KALRN: variants seen among roughly 807,000 people sequenced by gnomAD.
KALRN encodes the protein kalirin.
Under a neutral mutation model 353.7 loss-of-function variants are expected in KALRN, and 70 were observed. The observed-to-expected ratio is 0.20, with a 90% CI of 0.16 to 0.24. The LOEUF is 0.24. KALRN is among the 10% of genes least tolerant of loss of function. KALRN has a pLI of 1.00. For missense variants in KALRN, 2,791 were observed against 3,756.7 expected (o/e 0.74, Z 6.72); for synonymous variants, 1,391 against 1,434.8 (o/e 0.97, Z 0.69).
At chr3:124,495,951 GTA>G (rs1430092711) in intron 32 of KALRN, among the ~76,000 whole-genome samples, 1,052 of 38,092 alleles carry the variant, frequency 0.028, 54 homozygotes, top group African/African-American at 0.11. Flanking sequence ...CCAAGTGTGT[GTA>G]TGTGTATGTA....
intron 1 of KALRN, among the ~76,000 whole-genome samples, chr3:124,081,581 G>A (rs527236983): frequency 1.8e-4 from 28 of 152,238 alleles, no homozygotes; most frequent in African/African-American, 5.3e-4. Context: ...GACCAGGCTG[G>A]GCAACATAGG....
chr3:124,705,437 C>T (rs774444624), intron 57 of KALRN, among the ~76,000 whole-genome samples: 2 of 152,054 alleles, frequency 1.3e-5, no homozygotes, highest in South Asian at 2.1e-4. Flanking sequence ...GATAAATGAC[C>T]TTCAAGACCT....
intron 10 of KALRN, among the ~76,000 whole-genome samples, chr3:124,352,904 A>G (rs1039259250): frequency 2.0e-5 from 3 of 152,314 alleles, no homozygotes; most frequent in Admixed American, 6.5e-5. Context: ...TAGGAGAAAT[A>G]CCTAATATAA....
chr3:124,620,257 C>T (rs1273343030), intron 34 of KALRN, among the ~76,000 whole-genome samples: 1 of 152,142 alleles, frequency 6.6e-6, no homozygotes, highest in African/African-American at 2.4e-5. Flanking sequence ...CGCACCACCA[C>T]ACCAGGCTAA....
chr3:124,197,438 G>T (rs2075555262), intron 1 of KALRN, among the ~76,000 whole-genome samples: 1 of 152,136 alleles, frequency 6.6e-6, no homozygotes, highest in African/African-American at 2.4e-5. Context: ...CTTCTTCTTA[G>T]TTTATCCTGT....
At chr3:124,146,406 A>G (rs2178450) in intron 1 of KALRN, among the ~76,000 whole-genome samples, 42,266 of 152,154 alleles carry the variant, frequency 0.28, 6,446 homozygotes, top group East Asian at 0.47. Flanking sequence ...CATTTTCATT[A>G]TAGTTTACTA....
At chr3:124,361,182 C>T (rs769288437) in intron 10 of KALRN, among the ~76,000 whole-genome samples, 16 of 152,136 alleles carry the variant, frequency 1.1e-4, no homozygotes, top group South Asian at 2.1e-4. Flanking sequence ...TTCTAGCACA[C>T]ACACAAGAGG....
chr3:124,115,970 C>A (rs2063420116), intron 1 of KALRN, among the ~76,000 whole-genome samples: 1 of 152,094 alleles, frequency 6.6e-6, no homozygotes, highest in Admixed American at 6.5e-5. Context: ...GTGTATGGTC[C>A]ACAAAGAATC....
At chr3:124,609,037 C>T (rs571428115) in intron 34 of KALRN, among the ~76,000 whole-genome samples, 19 of 152,084 alleles carry the variant, frequency 1.2e-4, no homozygotes, top group Admixed American at 2.6e-4. Context: ...AAAGGGTCAG[C>T]GGACTGAAGA....
chr3:124,154,352 C>G (rs1440637895), intron 1 of KALRN, among the ~76,000 whole-genome samples: 2 of 152,112 alleles, frequency 1.3e-5, no homozygotes, highest in African/African-American at 4.8e-5. Context: ...GATTGTATAT[C>G]TAGAAAACCC....
At position 124,474,741 on chromosome 3, in the gene KALRN, C is replaced by T. The variant is rs752526277; in HGVS notation, c.4101+9C>T. The T allele has an allele frequency of 3.7e-6, 6 of 1,608,118 alleles. No homozygotes were observed. In the African/African-American group the frequency reaches 8.0e-5, roughly 21 times the overall value. On this transcript the variant is annotated intron_variant, in intron 26 of 59. Transcript: ENST00000682506. ...ACTGCTTTGTTACCTGGGTAACCAA[C>T]CTGAAATCCTTCTCCCACTGCCCAT... is the stretch of plus-strand genomic sequence containing the variant.
At chr3:124,666,661 A>G (rs2085664779) in intron 46 of KALRN, 27 bp downstream of exon 46, 1 of 1,597,088 alleles carries the variant, frequency 6.3e-7, no homozygotes. Flanking sequence ...TGATGAGAAG[A>G]GGCAAGGAAG....
At chr3:124,698,005 A>G (rs570440489) in intron 55 of KALRN, among the ~76,000 whole-genome samples, 14 of 151,960 alleles carry the variant, frequency 9.2e-5, no homozygotes, top group Non-Finnish European at 1.8e-4. Context: ...GTTTGGCTCC[A>G]TCAACCCAGG....
intron 25 of KALRN, among the ~76,000 whole-genome samples, chr3:124,463,638 A>G (rs1577136643): frequency 6.6e-6 from 1 of 152,222 alleles, no homozygotes; most frequent in Non-Finnish European, 1.5e-5. Flanking sequence ...ATTTAAATAG[A>G]CCACAAGTAG....
chr3:124,509,726 A>C (rs2065664128), intron 33 of KALRN, among the ~76,000 whole-genome samples: 2 of 152,236 alleles, frequency 1.3e-5, no homozygotes, highest in African/African-American at 4.8e-5. Flanking sequence ...ATATGCTAGA[A>C]AAAAGGTACT....
rs557230204 is a variant in KALRN at position 124,183,202 on chromosome 3, A to G, written c.74-44788A>G. ...TGTGTTAAGCTGTTCTTGCATTGCT[A>G]TAATTTAATTAATTACTGGGCAATT... On this transcript the variant is annotated intron_variant, in intron 1 of 59. Coordinates refer to ENST00000682506, the MANE Select transcript of KALRN (RefSeq NM_001388419.1). Among the ~76,000 whole-genome samples the G allele has an allele frequency of 3.3e-5, 5 of 152,342 alleles. No homozygotes were observed. In the East Asian group the frequency reaches 9.6e-4, roughly 29 times the overall value.
At chr3:124,153,360 A>G (rs1661216593) in intron 1 of KALRN, among the ~76,000 whole-genome samples, 1 of 149,342 alleles carries the variant, frequency 6.7e-6, no homozygotes, top group Non-Finnish European at 1.5e-5. Flanking sequence ...GAGTGAGAAC[A>G]TGCGGTGTTT....
intron 34 of KALRN, among the ~76,000 whole-genome samples, chr3:124,578,464 G>A (rs531170214): frequency 1.3e-5 from 2 of 152,356 alleles, no homozygotes; most frequent in East Asian, 3.9e-4. Context: ...GATTGTCAGA[G>A]TTTGAGAAAG....
At chr3:124,583,400 G>A (rs1359495471) in intron 34 of KALRN, among the ~76,000 whole-genome samples, 1 of 152,146 alleles carries the variant, frequency 6.6e-6, no homozygotes, top group Non-Finnish European at 1.5e-5. Flanking sequence ...GTCCAAGTGG[G>A]CTTCAAGGGG....
Sources: gnomAD v4.1 joint callset for allele counts (sites outside exome capture counted in the v4.1 genomes callset) on GRCh38, gnomAD v4.1.1 for gene constraint, MANE v1.5 for transcripts, NCBI Gene and HGNC (gene_info 2026-07-23, HGNC 2026-07-21) for gene names.